The following SAMTOR variants were observed in gnomAD, a reference collection of about 807,000 sequenced individuals.
SAMTOR encodes S-adenosylmethionine sensor upstream of mTORC1.
At chr7:112,833,159 A>G in the SAMTOR span, among the ~76,000 whole-genome samples, 1 of 152,172 alleles carries the variant, frequency 6.6e-6, no homozygotes, top group Non-Finnish European at 1.5e-5. Context: ...ATGAATTCTA[A>G]TATCTGCTTT....
the SAMTOR span, among the ~76,000 whole-genome samples, chr7:112,890,024 T>TG: frequency 2.6e-5 from 4 of 152,164 alleles, no homozygotes; most frequent in Non-Finnish European, 5.9e-5. Flanking sequence ...TGGGTTGAGC[T>TG]GCAGAATGGA....
chr7:112,821,857 C>T, the SAMTOR span: 9 of 1,613,500 alleles, frequency 5.6e-6, no homozygotes, highest in Non-Finnish European at 7.6e-6. Context: ...AAACCATATG[C>T]TAGTTGTTCA....
At chr7:112,875,558 C>A in the SAMTOR span, among the ~76,000 whole-genome samples, 2 of 152,066 alleles carry the variant, frequency 1.3e-5, no homozygotes, top group African/African-American at 4.8e-5. Flanking sequence ...ATAATATGTG[C>A]TATAGTCAAG....
At chr7:112,906,808 G>GT in the SAMTOR span, among the ~76,000 whole-genome samples, 3 of 152,062 alleles carry the variant, frequency 2.0e-5, no homozygotes, top group Non-Finnish European at 4.4e-5. Flanking sequence ...TTGACCTTGT[G>GT]ATCTGCCCAC....
chr7:112,924,561 A>T, the SAMTOR span, among the ~76,000 whole-genome samples: 8 of 152,126 alleles, frequency 5.3e-5, no homozygotes, highest in Non-Finnish European at 7.4e-5. Flanking sequence ...ACTGATTTTA[A>T]ACCTGAGAGA....
the SAMTOR span, among the ~76,000 whole-genome samples, chr7:112,886,754 A>ATC: frequency 2.0e-5 from 3 of 152,358 alleles, no homozygotes; most frequent in African/African-American, 7.2e-5. Context: ...ATCACTTGAT[A>ATC]AACTTGGTTC....
the SAMTOR span, among the ~76,000 whole-genome samples, chr7:112,907,665 C>T: frequency 4.6e-4 from 69 of 150,904 alleles, no homozygotes; most frequent in African/African-American, 1.4e-3. Context: ...ACATAATTCA[C>T]AGGAAAAAAA....
At chr7:112,891,910 A>C in the SAMTOR span, among the ~76,000 whole-genome samples, 1 of 152,196 alleles carries the variant, frequency 6.6e-6, no homozygotes, top group Non-Finnish European at 1.5e-5. Context: ...ATTTCTAAAA[A>C]TAAGACAACA....
the SAMTOR span, among the ~76,000 whole-genome samples, chr7:112,880,000 G>T: frequency 2.0e-5 from 3 of 152,034 alleles, no homozygotes; most frequent in Non-Finnish European, 2.9e-5. Context: ...ATAATATACA[G>T]AACTACATTA....
chr7:112,923,484 A>G, the SAMTOR span, among the ~76,000 whole-genome samples: 1 of 150,456 alleles, frequency 6.6e-6, no homozygotes, highest in Non-Finnish European at 1.5e-5. Context: ...TAAAAAATAA[A>G]TAAATAAATA....
chr7:112,830,036 G>T, the SAMTOR span, among the ~76,000 whole-genome samples: 1 of 151,972 alleles, frequency 6.6e-6, no homozygotes. Flanking sequence ...CTTATTTTCA[G>T]TAGACCATTC....
chr7:112,869,162 G>GT, the SAMTOR span, among the ~76,000 whole-genome samples: 1 of 152,122 alleles, frequency 6.6e-6, no homozygotes, highest in African/African-American at 2.4e-5. Flanking sequence ...CGGAGAGTGG[G>GT]GGTAATCTCT....
At chr7:112,929,877 C>T in the SAMTOR span, among the ~76,000 whole-genome samples, 2 of 152,062 alleles carry the variant, frequency 1.3e-5, no homozygotes, top group Non-Finnish European at 2.9e-5. Context: ...GTACATGAAT[C>T]ATATCTCAAT....
chr7:112,884,750 C>A, the SAMTOR span, among the ~76,000 whole-genome samples: 1 of 152,300 alleles, frequency 6.6e-6, no homozygotes, highest in East Asian at 1.9e-4. Flanking sequence ...GTGCACAATG[C>A]AAGCTGCTGG....
At chr7:112,860,340 G>A in the SAMTOR span, among the ~76,000 whole-genome samples, 1 of 152,014 alleles carries the variant, frequency 6.6e-6, no homozygotes, top group African/African-American at 2.4e-5. Context: ...ATTCTATTCT[G>A]TTCTGTTCCT....
the SAMTOR span, among the ~76,000 whole-genome samples, chr7:112,919,248 C>T: frequency 6.6e-6 from 1 of 152,348 alleles, no homozygotes; most frequent in East Asian, 1.9e-4. Flanking sequence ...AACAAACTGT[C>T]TCTCAGAGCA....
chr7:112,902,416 C>CAAAAAAAAAAAAAAAAA, the SAMTOR span, among the ~76,000 whole-genome samples: 33 of 12,306 alleles, frequency 2.7e-3, 4 homozygotes, highest in Admixed American at 6.4e-3. Context: ...AACTCCGTCT[C>CAAAAAAAAAAAAAAAAA]AAAAAAAAAA....
the SAMTOR span, among the ~76,000 whole-genome samples, chr7:112,855,814 T>C: frequency 6.6e-6 from 1 of 152,104 alleles, no homozygotes; most frequent in Admixed American, 6.5e-5. Flanking sequence ...CGGCAGTACC[T>C]AGATTAGCAT....
the SAMTOR span, chr7:112,821,191 CA>C: frequency 6.6e-6 from 1 of 152,302 alleles, no homozygotes; most frequent in African/African-American, 2.4e-5. Context: ...GAATTATCAC[CA>C]ATTACAAAAA....
Sources: gnomAD v4.1 joint callset for allele counts (sites outside exome capture counted in the v4.1 genomes callset) on GRCh38, gnomAD v4.1.1 for gene constraint, MANE v1.5 for transcripts, NCBI Gene and HGNC (gene_info 2026-07-23, HGNC 2026-07-21) for gene names.